Variants in PCDHA4 observed in about 807,000 individuals in gnomAD.
PCDHA4 encodes protocadherin alpha-4.
PCDHA4 carries 49 observed loss-of-function variants against 61.4 expected under a neutral mutation model. That is an observed-to-expected ratio of 0.80 (90% CI 0.63 to 1.01). The LOEUF is 1.01. PCDHA4 is among the 50% of genes least tolerant of loss of function. The pLI, the probability that PCDHA4 is intolerant of heterozygous loss-of-function variation, is 0.00. For missense variants in PCDHA4, 1,254 were observed against 1,235.8 expected, an observed-to-expected ratio of 1.01 and a Z score of -0.22; for synonymous variants, 590 against 550.3, an observed-to-expected ratio of 1.07 and a Z score of -1.01.
chr5:140,870,207 T>G, intron 1 of PCDHA4: 1 of 1,614,156 alleles, frequency 6.2e-7, no homozygotes, highest in Non-Finnish European at 8.5e-7. Flanking sequence ...GCACGGTCAT[T>G]GCCCTGATCA....
chr5:140,853,782 G>C (rs555382075), intron 1 of PCDHA4: 1 of 987,688 alleles, frequency 1.0e-6, no homozygotes, highest in Non-Finnish European at 1.2e-6. Context: ...TGGGTAGTAA[G>C]AGCAAATTTT....
In PCDHA4 at chr5:140,842,984, G is replaced by A. The variant is rs2150349206; in HGVS notation, c.2385+33412G>A. 26 of 1,594,918 alleles carry A rather than the reference G, an allele frequency of 1.6e-5. 1 individual carries two copies. The East Asian group carries it at 4.7e-4, about 29-fold the overall frequency. On this transcript the variant is annotated intron_variant, in intron 1 of 3. Coordinates refer to ENST00000530339, the MANE Select transcript of PCDHA4 (RefSeq NM_018907.4). ...CAGCAACGTGACGCTGCAGGTGTTCGTGCTGGACGAGAATGACAACGCGCC... is the reference window on the plus strand; with the variant it reads ...CAGCAACGTGACGCTGCAGGTGTTCATGCTGGACGAGAATGACAACGCGCC...
At chr5:140,916,464 G>T (rs2077577403) in intron 1 of PCDHA4, among the ~76,000 whole-genome samples, 1 of 152,206 alleles carries the variant, frequency 6.6e-6, no homozygotes, top group Non-Finnish European at 1.5e-5. Context: ...ATCACTGCTG[G>T]TTATTTGGTG....
At chr5:140,968,907 C>G in intron 1 of PCDHA4, 1 of 1,614,180 alleles carries the variant, frequency 6.2e-7, no homozygotes. Context: ...GCATTAAGCA[C>G]AGTGTCTTTT....
rs2150110682 is a variant in PCDHA4 at position 140,821,788 on chromosome 5, C to T, written c.2385+12216C>T. The T allele has an allele frequency of 1.2e-5, 19 of 1,611,448 alleles. No individual in the cohort carries two copies. Among genetic ancestry groups the T allele is most frequent in the Admixed American group, 1.7e-5 (1 of 59,848 alleles). ...GAACGAGATTGAGATGGTATATTCC[C>T]GGAGAGGAAGTCTGGGATCCCGGCT... On this transcript the variant is annotated intron_variant, in intron 1 of 3. Coordinates refer to ENST00000530339, the MANE Select transcript of PCDHA4 (RefSeq NM_018907.4).
chr5:140,890,128 G>T (rs1402157838), intron 1 of PCDHA4, among the ~76,000 whole-genome samples: 2 of 152,156 alleles, frequency 1.3e-5, no homozygotes, highest in East Asian at 3.9e-4. Context: ...CACTTTGGTA[G>T]CTTGAAATTG....
intron 1 of PCDHA4, among the ~76,000 whole-genome samples, chr5:140,919,051 T>G (rs1443609855): frequency 1.3e-5 from 2 of 152,238 alleles, no homozygotes; most frequent in Non-Finnish European, 2.9e-5. Flanking sequence ...TTATTGGAAG[T>G]GGAGTATTAA....
chr5:140,831,520 CTTT>C (rs2150195630), intron 1 of PCDHA4, among the ~76,000 whole-genome samples: 2,202 of 122,358 alleles, frequency 0.018, 60 homozygotes, highest in African/African-American at 0.054. Context: ...TGCCCCCCAC[CTTT>C]TTTTTTTTTT....
At chr5:140,870,512 G>A in intron 1 of PCDHA4, 1 of 1,614,224 alleles carries the variant, frequency 6.2e-7, no homozygotes, top group Non-Finnish European at 8.5e-7. Flanking sequence ...AACCCACCAG[G>A]CTGCCACATC....
intron 3 of PCDHA4, among the ~76,000 whole-genome samples, chr5:140,999,495 A>G (rs868986339): frequency 6.6e-6 from 1 of 152,142 alleles, no homozygotes; most frequent in South Asian, 2.1e-4. Flanking sequence ...TATGTTACCC[A>G]AGAACCTACA....
chr5:140,837,615 C>CCCTTCCTT (rs528339826), intron 1 of PCDHA4, among the ~76,000 whole-genome samples: 3 of 145,806 alleles, frequency 2.1e-5, no homozygotes, highest in Admixed American at 6.9e-5. Context: ...TATAATTTGC[C>CCCTTCCTT]CCTTCCTTCC....
At chr5:140,935,073 A>G (rs77827614) in intron 1 of PCDHA4, among the ~76,000 whole-genome samples, 63 of 152,260 alleles carry the variant, frequency 4.1e-4, no homozygotes, top group African/African-American at 1.3e-3. Context: ...ATTATCTTGT[A>G]CATTTCCTTT....
rs571034520 is a variant in PCDHA4 at position 140,922,140 on chromosome 5, A to G, written c.2386-56809A>G. ...CACCTTTAAATGTCTCTTATCCTCC[A>G]TGAAACTCATCAAAAACAACAAAAA... On this transcript the variant is annotated intron_variant, in intron 1 of 3. Coordinates refer to ENST00000530339, the MANE Select transcript of PCDHA4 (RefSeq NM_018907.4). Among the ~76,000 whole-genome samples the G allele has an allele frequency of 6.6e-5, 10 of 152,202 alleles. No individual in the cohort carries two copies. The East Asian group carries it at 1.9e-3, about 29-fold the overall frequency.
intron 3 of PCDHA4, among the ~76,000 whole-genome samples, chr5:141,003,476 C>G (rs555987176): frequency 1.3e-3 from 191 of 152,130 alleles, no homozygotes; most frequent in African/African-American, 4.3e-3. Context: ...CACAGTCTCG[C>G]TAATTTTTAT....
chr5:140,837,989 C>T (rs1167865074), intron 1 of PCDHA4, among the ~76,000 whole-genome samples: 3 of 151,358 alleles, frequency 2.0e-5, no homozygotes, highest in Non-Finnish European at 4.4e-5. Context: ...TGCCTTTCAT[C>T]TTTCCTTTTT....
intron 1 of PCDHA4, among the ~76,000 whole-genome samples, chr5:140,907,664 T>G (rs2073522534): frequency 6.6e-6 from 1 of 152,216 alleles, no homozygotes; most frequent in Non-Finnish European, 1.5e-5. Context: ...CAGCAGTGGC[T>G]GTAGCCAGGT....
chr5:140,937,099 G>T (rs890589684), intron 1 of PCDHA4, among the ~76,000 whole-genome samples: 1 of 149,656 alleles, frequency 6.7e-6, no homozygotes, highest in Non-Finnish European at 1.5e-5. Flanking sequence ...GTGCAGTGGC[G>T]CAGTCTCGGC....
intron 1 of PCDHA4, among the ~76,000 whole-genome samples, chr5:140,902,728 C>T (rs1280424808): frequency 6.6e-6 from 1 of 151,858 alleles, no homozygotes; most frequent in Non-Finnish European, 1.5e-5. Flanking sequence ...ACCCTTCCCT[C>T]CAAGTCCCCC....
chr5:140,886,401 A>G (rs2060965059), intron 1 of PCDHA4, among the ~76,000 whole-genome samples: 1 of 152,174 alleles, frequency 6.6e-6, no homozygotes, highest in African/African-American at 2.4e-5. Flanking sequence ...TGCATCACAA[A>G]TATGTTTTCC....
Sources: gnomAD v4.1 joint callset for allele counts (sites outside exome capture counted in the v4.1 genomes callset) on GRCh38, gnomAD v4.1.1 for gene constraint, MANE v1.5 for transcripts, NCBI Gene and HGNC (gene_info 2026-07-23, HGNC 2026-07-21) for gene names.